SART3: variants seen among roughly 807,000 people sequenced by gnomAD.
SART3 encodes HIV-1 Tat-interacting protein of 110kDa.
In SART3, 44 loss-of-function variants were observed where a neutral mutation model predicts 122.3. That is an observed-to-expected ratio of 0.36 (90% CI 0.28 to 0.46). The LOEUF is 0.46. Ranked by LOEUF, SART3 falls within the 20% of genes least tolerant of loss-of-function variation. The pLI is 1.00. For missense variants in SART3, 1,101 were observed against 1,229.0 expected (o/e 0.90, Z 1.56); for synonymous variants, 442 against 454.0 (o/e 0.97, Z 0.34).
chr12:108,550,574 T>TA (rs1261814248), intron 1 of SART3, among the ~76,000 whole-genome samples: 1 of 151,890 alleles, frequency 6.6e-6, no homozygotes, highest in Admixed American at 6.6e-5. Context: ...CTTAAATAAA[T>TA]CAAGATGGCT....
At chr12:108,536,851 C>G in intron 9 of SART3, 66 bp from the exon 10 acceptor site, 1 of 1,476,470 alleles carries the variant, frequency 6.8e-7, no homozygotes, top group Non-Finnish European at 9.3e-7. Flanking sequence ...ATTTTTTATC[C>G]TATGCTGAAA....
chr12:108,533,922 A>G (rs1047308538), intron 12 of SART3, among the ~76,000 whole-genome samples: 1 of 152,226 alleles, frequency 6.6e-6, no homozygotes, highest in African/African-American at 2.4e-5. Flanking sequence ...TATGTATGAA[A>G]GAAGAATACC....
Position 108,548,979 on chromosome 12 carries a change from C to T in SART3, c.439+109G>A, listed in dbSNP as rs2029885260. ...CTGATGCGTTTTCTTCTTTCCACTA[C>T]ACTGAACGTTCCAGGTTTTCTACAA... On this transcript the variant is annotated intron_variant, in intron 2 of 18. Coordinates refer to ENST00000546815, the MANE Select transcript of SART3 (RefSeq NM_014706.4). The T allele has an allele frequency of 3.2e-6, 5 of 1,540,460 alleles. 1 individual carries two copies. In the East Asian group the frequency reaches 9.0e-5, roughly 28 times the overall value.
At chr12:108,559,403 C>A (rs1306593707) in intron 1 of SART3, among the ~76,000 whole-genome samples, 1 of 152,186 alleles carries the variant, frequency 6.6e-6, no homozygotes, top group Admixed American at 6.5e-5. Context: ...TAGCGGCTCA[C>A]ACCTGTAATC....
rs1469360503 is a variant in SART3 at position 108,526,383 on chromosome 12, G to A, written c.2086C>T (p.Leu696=). 2 of 1,613,956 alleles carry A rather than the reference G, an allele frequency of 1.2e-6. No individual in the cohort carries two copies. The highest frequency in any genetic ancestry group is 3.3e-5 in the Admixed American group (2 of 60,022). Residue 696 remains leucine (L), a synonymous_variant, in exon 16 of 19, where the codon CTG becomes TTG. Coordinates refer to ENST00000546815, the MANE Select transcript of SART3 (RefSeq NM_014706.4). ...ASLKRDMPKV[L]HDSSKDSITV... ...ATGCTGTCCTTGCTGCTGTCGTGCA[G>A]CACCTTGGGCATGTCCCTCTTCAGG...
intron 1 of SART3, among the ~76,000 whole-genome samples, chr12:108,557,189 ACAT>A (rs1375033561): frequency 2.6e-5 from 4 of 150,996 alleles, no homozygotes; most frequent in African/African-American, 4.9e-5. Context: ...TGGTCTTAGA[ACAT>A]CATTAATGAC....
chr12:108,558,498 C>T (rs987682044), intron 1 of SART3, among the ~76,000 whole-genome samples: 1 of 152,216 alleles, frequency 6.6e-6, no homozygotes, highest in Non-Finnish European at 1.5e-5. Flanking sequence ...TACTAGTGGC[C>T]AGAGACCTCT....
intron 7 of SART3, among the ~76,000 whole-genome samples, chr12:108,538,665 A>G (rs1366961165): frequency 2.0e-5 from 3 of 152,190 alleles, no homozygotes; most frequent in Non-Finnish European, 4.4e-5. Context: ...ATATGTTTAC[A>G]TTTTTGCCAT....
intron 13 of SART3, 69 bp downstream of exon 13, chr12:108,532,153 G>A: frequency 3.0e-6 from 4 of 1,331,754 alleles, no homozygotes; most frequent in Non-Finnish European, 4.3e-6. Flanking sequence ...ACTGTAACCA[G>A]ATGCTCCTAC....
intron 17 of SART3, chr12:108,524,730 A>G (rs1236289912): frequency 1.7e-6 from 1 of 594,182 alleles, no homozygotes; most frequent in African/African-American, 1.9e-5. Flanking sequence ...AACTTCAGAT[A>G]ACCCTTCCAA....
chr12:108,544,008 G>A (rs1330483998), intron 5 of SART3, among the ~76,000 whole-genome samples: 2 of 152,184 alleles, frequency 1.3e-5, no homozygotes, highest in Non-Finnish European at 2.9e-5. Flanking sequence ...ATAGAGGAAT[G>A]ATCTAAACTC....
chr12:108,545,937 C>T (rs543425200), intron 3 of SART3, among the ~76,000 whole-genome samples: 10 of 141,052 alleles, frequency 7.1e-5, no homozygotes, highest in African/African-American at 2.4e-4. Context: ...CACTGCACTC[C>T]AGCCTAAGCG....
chr12:108,543,957 A>C (rs572305444), intron 5 of SART3, among the ~76,000 whole-genome samples: 1 of 152,348 alleles, frequency 6.6e-6, no homozygotes, highest in East Asian at 1.9e-4. Flanking sequence ...CTCACTTATG[A>C]GTACTTCCAA....
In SART3 at chr12:108,523,013, A is replaced by T. The variant is rs79933559; in HGVS notation, c.*444T>A. On this transcript the variant is annotated 3_prime_UTR_variant, in exon 19 of 19. Coordinates refer to ENST00000546815, the MANE Select transcript of SART3 (RefSeq NM_014706.4). Reference sequence around the variant, plus strand: ...CTCAGACCCACCCCCACAAGAGGCCATTCTGTGAATTACTAGCATCTGCCA... The same window carrying T: ...CTCAGACCCACCCCCACAAGAGGCCTTTCTGTGAATTACTAGCATCTGCCA... The T allele has an allele frequency of 3.5e-3, 663 of 189,522 alleles. 19 individuals are homozygous for T. The East Asian group carries it at 0.068, about 19-fold the overall frequency. 11.7% of individuals were successfully genotyped at this position (189,522 alleles called of 1,614,324 possible).
chr12:108,530,053 C>T (rs1172371834), intron 15 of SART3, 89 bp downstream of exon 15: 13 of 1,448,624 alleles, frequency 9.0e-6, no homozygotes, highest in South Asian at 1.1e-5. Flanking sequence ...AAGCTGGTAA[C>T]GGTTCAGGGA....
At chr12:108,548,772 T>G (rs1411745129) in intron 2 of SART3, among the ~76,000 whole-genome samples, 1 of 152,200 alleles carries the variant, frequency 6.6e-6, no homozygotes, top group East Asian at 1.9e-4. Context: ...ATTTTCTGGT[T>G]TCAAGAGAAT....
intron 1 of SART3, among the ~76,000 whole-genome samples, chr12:108,556,898 AGT>A (rs2030241441): frequency 6.6e-6 from 1 of 152,264 alleles, no homozygotes; most frequent in Non-Finnish European, 1.5e-5. Flanking sequence ...CTTGCTAGTC[AGT>A]GTCACGAATA....
chr12:108,546,401 G>A (rs770690272), intron 3 of SART3, among the ~76,000 whole-genome samples: 16 of 151,896 alleles, frequency 1.1e-4, no homozygotes, highest in Non-Finnish European at 1.9e-4. Context: ...GGGTTTCACC[G>A]TGATAGCCAG....
At chr12:108,545,353 G>C (rs747571598) in intron 3 of SART3, 30 bp from the exon 4 acceptor site, 1 of 1,610,276 alleles carries the variant, frequency 6.2e-7, no homozygotes, top group South Asian at 1.1e-5. Context: ...AATTAGTTTG[G>C]GATATAAAAT....
Sources: allele counts gnomAD v4.1 joint callset (sites outside exome capture counted in the v4.1 genomes callset), GRCh38; gene constraint gnomAD v4.1.1; transcripts MANE v1.5; gene names NCBI Gene and HGNC (gene_info 2026-07-23, HGNC 2026-07-21).